Variants in USP13 observed in about 807,000 individuals in gnomAD.
USP13 encodes ubiquitin carboxyl-terminal hydrolase 13.
USP13 carries 68 observed loss-of-function variants against 107.8 expected under a neutral mutation model. That is an observed-to-expected ratio of 0.63 (90% CI 0.52 to 0.77). USP13 has a LOEUF of 0.77. Among genes scored for constraint, USP13 ranks in the 30% least tolerant of loss-of-function variants. The pLI is 0.00. For missense variants in USP13, 945 were observed against 1,093.3 expected (o/e 0.86, Z 1.91); for synonymous variants, 377 against 389.5 (o/e 0.97, Z 0.38).
chr3:179,672,004 C>T (rs1560043294), intron 1 of USP13, among the ~76,000 whole-genome samples: 1 of 152,200 alleles, frequency 6.6e-6, no homozygotes, highest in African/African-American at 2.4e-5. Flanking sequence ...GCGCGTTGCT[C>T]ACATAAGCTC....
rs1711965209 is a variant in USP13 at position 179,688,234 on chromosome 3, C to CATCCGTCCATCT, written c.295-2003_295-2002insGTCCATCTATCC. 1.4e-5 allele frequency among the ~76,000 whole-genome samples: 2 copies of CATCCGTCCATCT among 145,854 alleles called. 1 individual carries two copies. The highest frequency in any genetic ancestry group is 5.1e-5 in the African/African-American group (2 of 39,196). ...CCATCCATCCATCCATCCATCCATC[C>CATCCGTCCATCT]ATCCAACAAATATTTACTCAGTAGC... is the stretch of plus-strand genomic sequence containing the variant. On this transcript the variant is annotated intron_variant, in intron 2 of 20. Transcript: ENST00000263966.
chr3:179,741,587 C>T (rs1714202292), intron 11 of USP13, among the ~76,000 whole-genome samples: 2 of 152,106 alleles, frequency 1.3e-5, no homozygotes, highest in South Asian at 4.2e-4. Flanking sequence ...GAACTCCTGA[C>T]CTCAGATGAT....
chr3:179,715,436 C>T (rs1180010777), intron 6 of USP13, among the ~76,000 whole-genome samples: 2 of 149,092 alleles, frequency 1.3e-5, no homozygotes. Context: ...GTGATCTCAG[C>T]TCACTGCAAC....
intron 2 of USP13, 90 bp from the exon 3 acceptor site, chr3:179,690,150 TA>T: frequency 8.0e-7 from 1 of 1,256,190 alleles, no homozygotes; most frequent in Non-Finnish European, 1.1e-6. Context: ...TGGCCTTCTG[TA>T]AAAACTAGGA....
chr3:179,738,530 T>A (rs957788674), intron 10 of USP13, among the ~76,000 whole-genome samples: 1 of 152,216 alleles, frequency 6.6e-6, no homozygotes, highest in Non-Finnish European at 1.5e-5. Flanking sequence ...AAGACTAGTG[T>A]CCGCTTTCTA....
Position 179,775,854 on chromosome 3 carries a change from C to G in USP13, c.2414-5885C>G, listed in dbSNP as rs575273120. Among the ~76,000 whole-genome samples the G allele has an allele frequency of 1.3e-3, 193 of 152,340 alleles. 1 individual carries two copies. The highest frequency in any genetic ancestry group is 4.4e-3 in the African/African-American group (185 of 41,578). Reference sequence around the variant, plus strand: ...CCCCGGTTCCTGCCTGCGCCTCTCCCTCCACCTGCGCCTCTCCCTCCACAC... The same window carrying G: ...CCCCGGTTCCTGCCTGCGCCTCTCCGTCCACCTGCGCCTCTCCCTCCACAC... On this transcript the variant is annotated intron_variant, in intron 19 of 20. Coordinates refer to ENST00000263966, the MANE Select transcript of USP13 (RefSeq NM_003940.3).
chr3:179,679,495 A>G (rs897515804), intron 1 of USP13, among the ~76,000 whole-genome samples: 2 of 152,134 alleles, frequency 1.3e-5, no homozygotes, highest in African/African-American at 2.4e-5. Context: ...TTATTTGGAC[A>G]GGTGAGACTA....
chr3:179,661,526 T>C (rs1720456225), intron 1 of USP13, among the ~76,000 whole-genome samples: 2 of 152,106 alleles, frequency 1.3e-5, no homozygotes, highest in African/African-American at 2.4e-5. Flanking sequence ...GGCTGTTTCT[T>C]TGGGGAAGCT....
chr3:179,653,053 C>T lies in USP13; in HGVS notation c.-173C>T, dbSNP rs892228997. On this transcript the variant is annotated 5_prime_UTR_variant, in exon 1 of 21. Transcript: ENST00000263966. This position sits in a 1 kb window ranked among gnomAD's most constrained non-coding sequence, Gnocchi z 4.0. The stretch of plus-strand genomic sequence containing the variant: ...AATAGCGTCGCCAGTCCGCCCCAAG[C>T]CCGCGGTGCCCGCTCCCGCCCCGCA... The T allele has an allele frequency of 2.6e-5, 10 of 379,714 alleles. No homozygotes were observed. Among genetic ancestry groups the T allele is most frequent in the African/African-American group, 2.2e-4 (10 of 45,266 alleles). 23.5% of individuals were successfully genotyped at this position (379,714 alleles called of 1,614,324 possible).
At chr3:179,746,356 C>G (rs1714408049) in intron 13 of USP13, among the ~76,000 whole-genome samples, 1 of 151,198 alleles carries the variant, frequency 6.6e-6, no homozygotes, top group African/African-American at 2.4e-5. Context: ...CAAGTTCAAG[C>G]AATTCTCCTG....
intron 10 of USP13, 101 bp from the exon 11 acceptor site, chr3:179,740,146 A>T: frequency 6.6e-7 from 1 of 1,526,174 alleles, no homozygotes; most frequent in Non-Finnish European, 8.9e-7. Flanking sequence ...TAGTTTTCTC[A>T]TCTGGAAAGT....
chr3:179,734,598 C>T (rs1713921079), intron 10 of USP13, among the ~76,000 whole-genome samples: 1 of 152,196 alleles, frequency 6.6e-6, no homozygotes, highest in East Asian at 1.9e-4. Context: ...AGCTTTGTTT[C>T]CCTTAACCTC....
At chr3:179,691,485 A>G (rs945292488) in intron 3 of USP13, among the ~76,000 whole-genome samples, 5 of 152,170 alleles carry the variant, frequency 3.3e-5, no homozygotes, top group African/African-American at 1.2e-4. Context: ...GTACGTATGC[A>G]TTTTTGGAAA....
chr3:179,750,326 G>GTGTATATATATATATA lies in USP13; in HGVS notation c.1710-1958_1710-1957insGTATATATATATATAT, dbSNP rs1553797370. Among the ~76,000 whole-genome samples, 230 of 75,816 alleles carry GTGTATATATATATATA rather than the reference G, an allele frequency of 3.0e-3. 1 individual carries two copies. In the Middle Eastern group the frequency reaches 0.035, roughly 12 times the overall value. The allele number at this position is 75,816 out of a possible 152,430, so 49.7% of individuals were successfully genotyped here. A position where few individuals can be genotyped will look rare whatever the true frequency, so the allele number is the denominator to read the frequency against. On this transcript the variant is annotated intron_variant, in intron 13 of 20. Transcript: ENST00000263966. Reference sequence around the variant, plus strand: ...TGTGTATATATATATATATATGTGTGTATATATATATATATATATGTATAT... The same window carrying GTGTATATATATATATA: ...TGTGTATATATATATATATATGTGTGTGTATATATATATATATATATATATATATATATATGTATAT...
At chr3:179,700,525 A>G (rs761168101) in intron 3 of USP13, among the ~76,000 whole-genome samples, 37 of 152,128 alleles carry the variant, frequency 2.4e-4, no homozygotes, top group Non-Finnish European at 4.4e-4. Context: ...TTTTGGAGCT[A>G]GTCTTGAACC....
intron 1 of USP13, among the ~76,000 whole-genome samples, chr3:179,677,840 G>A (rs1254627002): frequency 6.6e-6 from 1 of 151,916 alleles, no homozygotes; most frequent in African/African-American, 2.4e-5. Flanking sequence ...AGCCTATGTG[G>A]CTGTCAGACT....
chr3:179,752,149 T>G, intron 13 of USP13, 136 bp from the exon 14 acceptor site: 1 of 694,770 alleles, frequency 1.4e-6, no homozygotes, highest in Non-Finnish European at 2.5e-6. Context: ...TACATGTCTG[T>G]GTTTGCATGT....
rs1188815711 is a variant in USP13, at chr3:179,745,042, G to A, written c.1535-1G>A. The stretch of plus-strand genomic sequence containing the variant: ...GGTCTTTGATTTGCTCTTTCACCCA[G>A]ATGAACTGATCGCTTATGAACTAAC... On this transcript the variant is annotated splice_acceptor_variant, in intron 12 of 20. Transcript: ENST00000263966. LOFTEE classifies it high-confidence loss of function. 1 of 1,614,174 alleles carries A rather than the reference G, an allele frequency of 6.2e-7. No individual in the cohort carries two copies. Among genetic ancestry groups the A allele is most frequent in the Non-Finnish European group, 8.5e-7 (1 of 1,180,034 alleles).
At chr3:179,717,349 C>T (rs929583434) in intron 6 of USP13, among the ~76,000 whole-genome samples, 2 of 152,174 alleles carry the variant, frequency 1.3e-5, no homozygotes, top group African/African-American at 2.4e-5. Flanking sequence ...TTGTATGTTA[C>T]TCACTAAACA....
Sources: allele counts gnomAD v4.1 joint callset (sites outside exome capture counted in the v4.1 genomes callset), GRCh38; gene constraint gnomAD v4.1.1; non-coding constraint Gnocchi (gnomAD v3.1); transcripts MANE v1.5; gene names NCBI Gene and HGNC (gene_info 2026-07-23, HGNC 2026-07-21).